MCC: variants seen among roughly 807,000 people sequenced by gnomAD.
The protein encoded by MCC is MCC regulator of Wnt signaling pathway, also known as colorectal mutant cancer protein.
Under a neutral mutation model 116.2 loss-of-function variants are expected in MCC, and 90 were observed. That is an observed-to-expected ratio of 0.77 (90% CI 0.65 to 0.92). The LOEUF is 0.92. Among genes scored for constraint, MCC ranks in the 40% least tolerant of loss-of-function variants. The pLI, the probability that MCC is intolerant of heterozygous loss-of-function variation, is 0.00. For missense variants in MCC, 1,516 were observed against 1,312.2 expected (o/e 1.16, Z -2.40); for synonymous variants, 578 against 510.5 (o/e 1.13, Z -1.78).
chr5:113,210,542 C>T (rs1243641829), intron 3 of MCC, among the ~76,000 whole-genome samples: 1 of 152,088 alleles, frequency 6.6e-6, no homozygotes, highest in Non-Finnish European at 1.5e-5. Flanking sequence ...TGAGAATGGT[C>T]AAGTACAGGT....
intron 16 of MCC, among the ~76,000 whole-genome samples, chr5:113,048,382 T>C (rs1410608396): frequency 1.3e-5 from 2 of 152,160 alleles, no homozygotes; most frequent in East Asian, 1.9e-4. Flanking sequence ...CCCACCTGAG[T>C]TGCGAATCAT....
At chr5:113,062,560 T>G (rs1753296452) in intron 14 of MCC, among the ~76,000 whole-genome samples, 1 of 152,184 alleles carries the variant, frequency 6.6e-6, no homozygotes, top group African/African-American at 2.4e-5. Flanking sequence ...ACTGACAACA[T>G]GAGAACTACA....
intron 13 of MCC, among the ~76,000 whole-genome samples, chr5:113,064,576 G>A (rs1371762834): frequency 6.6e-6 from 1 of 152,234 alleles, no homozygotes; most frequent in Non-Finnish European, 1.5e-5. Context: ...GAGAAACTAG[G>A]GCAAAACTGT....
At chr5:113,390,985 T>C (rs541777666) in intron 1 of MCC, among the ~76,000 whole-genome samples, 1 of 147,916 alleles carries the variant, frequency 6.8e-6, no homozygotes, top group South Asian at 2.1e-4. Flanking sequence ...ATGAAAATTA[T>C]AATTAGGTCA....
intron 5 of MCC, among the ~76,000 whole-genome samples, chr5:113,123,226 T>C (rs6872711): frequency 0.95 from 144,324 of 152,338 alleles, 68,757 homozygotes; most frequent in East Asian, 1. Context: ...TGCCCTACAA[T>C]CTGGAGGGGC....
intron 1 of MCC, among the ~76,000 whole-genome samples, chr5:113,440,312 C>G (rs1048072991): frequency 6.6e-6 from 1 of 152,100 alleles, no homozygotes; most frequent in African/African-American, 2.4e-5. Context: ...ATCTGAGGCT[C>G]TTTATCATCT....
chr5:113,123,743 T>C (rs895914238), intron 5 of MCC, among the ~76,000 whole-genome samples: 5 of 152,192 alleles, frequency 3.3e-5, no homozygotes, highest in Non-Finnish European at 7.3e-5. Context: ...TTGAAGGATC[T>C]ATTTTGCAAG....
intron 3 of MCC, among the ~76,000 whole-genome samples, chr5:113,279,288 T>C (rs1421340607): frequency 6.6e-6 from 1 of 152,194 alleles, no homozygotes; most frequent in Non-Finnish European, 1.5e-5. Flanking sequence ...ACCCGAAGCA[T>C]TGCAGGCTGA....
At chr5:113,466,845 G>A (rs34183221) in intron 1 of MCC, among the ~76,000 whole-genome samples, 92,757 of 142,622 alleles carry the variant, frequency 0.65, 29,182 homozygotes, top group East Asian at 0.84. Context: ...TCCAGCACCT[G>A]TTGTTTCCTG....
chr5:113,309,557 A>C (rs904117842), intron 3 of MCC, among the ~76,000 whole-genome samples: 2 of 151,830 alleles, frequency 1.3e-5, no homozygotes, highest in African/African-American at 2.4e-5. Flanking sequence ...TTTTTTTCCA[A>C]TGGCTCAGTA....
At chr5:113,135,175 T>A (rs181565545) in intron 5 of MCC, among the ~76,000 whole-genome samples, 2,085 of 151,184 alleles carry the variant, frequency 0.014, 66 homozygotes, top group African/African-American at 0.048. Flanking sequence ...CCTGACCTTA[T>A]GATCCGCCCA....
chr5:113,243,228 T>C (rs535102616), intron 3 of MCC, among the ~76,000 whole-genome samples: 1 of 152,328 alleles, frequency 6.6e-6, no homozygotes, highest in African/African-American at 2.4e-5. Flanking sequence ...GATCTAGAAG[T>C]AGCTACATCA....
chr5:113,468,913 G>A (rs1315785423), intron 1 of MCC, among the ~76,000 whole-genome samples: 2 of 152,306 alleles, frequency 1.3e-5, no homozygotes, highest in East Asian at 1.9e-4. Context: ...AGTCTTGGGA[G>A]GGTGTATGTG....
chr5:113,451,506 G>A (rs1274499375), intron 1 of MCC, among the ~76,000 whole-genome samples: 2 of 152,134 alleles, frequency 1.3e-5, no homozygotes, highest in African/African-American at 4.8e-5. Flanking sequence ...AGGCCGAGGC[G>A]GGCGGATCAC....
intron 3 of MCC, among the ~76,000 whole-genome samples, chr5:113,245,458 T>A (rs911705705): frequency 1.3e-5 from 2 of 151,888 alleles, no homozygotes; most frequent in Non-Finnish European, 2.9e-5. Context: ...ATAAACAACC[T>A]AACTGGTCAG....
intron 3 of MCC, among the ~76,000 whole-genome samples, chr5:113,305,458 C>A (rs1006705591): frequency 5.9e-5 from 9 of 152,200 alleles, no homozygotes; most frequent in Admixed American, 2.6e-4. Context: ...CCACCAAAAA[C>A]CAACTTTAAT....
chr5:113,152,333 A>G (rs1029118992), intron 3 of MCC, among the ~76,000 whole-genome samples: 5 of 152,206 alleles, frequency 3.3e-5, no homozygotes, highest in Non-Finnish European at 7.3e-5. Context: ...AGACCCGTTC[A>G]ACACACTGGT....
chr5:113,123,749 G>A (rs888277337), intron 5 of MCC, among the ~76,000 whole-genome samples: 1 of 152,180 alleles, frequency 6.6e-6, no homozygotes, highest in African/African-American at 2.4e-5. Context: ...GATCTATTTT[G>A]CAAGTGAACC....
At chr5:113,266,011 T>A (rs924177912) in intron 3 of MCC, among the ~76,000 whole-genome samples, 1 of 152,032 alleles carries the variant, frequency 6.6e-6, no homozygotes, top group East Asian at 1.9e-4. Flanking sequence ...AGACAGTAAG[T>A]CTCCTTCCAA....
Sources: gnomAD v4.1 joint callset for allele counts (sites outside exome capture counted in the v4.1 genomes callset) on GRCh38, gnomAD v4.1.1 for gene constraint, MANE v1.5 for transcripts, NCBI Gene and HGNC (gene_info 2026-07-23, HGNC 2026-07-21) for gene names.